Variants in SYNJ2BP observed in about 807,000 individuals in gnomAD.
SYNJ2BP encodes synaptojanin-2-binding protein.
SYNJ2BP carries 10 observed loss-of-function variants against 16.9 expected under a neutral mutation model. The observed-to-expected ratio is 0.59, with a 90% CI of 0.36 to 1.00. SYNJ2BP has a LOEUF of 1.00. SYNJ2BP is among the 50% of genes least tolerant of loss of function. SYNJ2BP has a pLI of 0.01. For synonymous variants in SYNJ2BP, 54 were observed against 68.4 expected, an observed-to-expected ratio of 0.79 and a Z score of 1.04; for missense variants, 162 against 186.7, an observed-to-expected ratio of 0.87 and a Z score of 0.77.
chr14:70,385,548 ATT>A (rs1164659803), intron 2 of SYNJ2BP, among the ~76,000 whole-genome samples: 1 of 142,032 alleles, frequency 7.0e-6, no homozygotes. Context: ...AATTTTTTGT[ATT>A]TTTTTTTTTT....
At chr14:70,399,411 C>A (rs1406383777) in intron 1 of SYNJ2BP, among the ~76,000 whole-genome samples, 1 of 152,222 alleles carries the variant, frequency 6.6e-6, no homozygotes, top group Non-Finnish European at 1.5e-5. Context: ...CCCAGCCCTG[C>A]CTCCTCCCCA....
rs1318768251 is a variant in SYNJ2BP at position 70,377,888 on chromosome 14, GT to G, written c.202-2118del. On this transcript the variant is annotated intron_variant, in intron 2 of 3. Transcript: ENST00000256366. ...TCCTCTTTCTTTGACTGCTAAATTT[GT>G]TCTAAGAACTGTTTGCATGCACTAC... is the stretch of plus-strand genomic sequence containing the variant. Among the ~76,000 whole-genome samples, 38 of 152,162 alleles carry G rather than the reference GT, an allele frequency of 2.5e-4. 1 individual carries two copies. The highest frequency in any genetic ancestry group is 1.6e-3 in the Admixed American group (25 of 15,278).
chr14:70,400,806 G>GA (rs1888218757), intron 1 of SYNJ2BP, among the ~76,000 whole-genome samples: 1 of 152,136 alleles, frequency 6.6e-6, no homozygotes, highest in Admixed American at 6.5e-5. Flanking sequence ...TAATTTTGAT[G>GA]AAAAATCTGG....
At chr14:70,386,386 A>G (rs986027851) in intron 2 of SYNJ2BP, among the ~76,000 whole-genome samples, 1 of 152,256 alleles carries the variant, frequency 6.6e-6, no homozygotes, top group African/African-American at 2.4e-5. Context: ...TGGACTGAAG[A>G]GAGGCAGAAT....
At chr14:70,394,107 C>A (rs1888039238) in intron 1 of SYNJ2BP, among the ~76,000 whole-genome samples, 1 of 151,270 alleles carries the variant, frequency 6.6e-6, no homozygotes, top group African/African-American at 2.4e-5. Context: ...GGTAACCAGG[C>A]TTGTAAAAAT....
rs186200652 is a variant in SYNJ2BP at position 70,406,998 on chromosome 14, T to C, written c.64+9902A>G. Among the ~76,000 whole-genome samples, 291 of 152,316 alleles carry C rather than the reference T, an allele frequency of 1.9e-3. 1 individual carries two copies. The highest frequency in any genetic ancestry group is 5.1e-3 in the African/African-American group (211 of 41,570). ...ATTGGGTGATTACACCTGCACTTCA[T>C]TGAATGTGAATCATGCCTCAAAAAA... On this transcript the variant is annotated intron_variant, in intron 1 of 3. Transcript: ENST00000256366.
chr14:70,398,765 T>G (rs908454529), intron 1 of SYNJ2BP, among the ~76,000 whole-genome samples: 1 of 152,160 alleles, frequency 6.6e-6, no homozygotes, highest in Non-Finnish European at 1.5e-5. Context: ...GCACTAGCTG[T>G]GCCTCCTCAC....
At chr14:70,408,031 A>C (rs988838713) in intron 1 of SYNJ2BP, among the ~76,000 whole-genome samples, 1 of 152,166 alleles carries the variant, frequency 6.6e-6, no homozygotes, top group African/African-American at 2.4e-5. Flanking sequence ...CACCTAGGTC[A>C]GGAATTTCTA....
chr14:70,386,446 T>C (rs1418411848), intron 2 of SYNJ2BP, among the ~76,000 whole-genome samples: 1 of 152,218 alleles, frequency 6.6e-6, no homozygotes, highest in Non-Finnish European at 1.5e-5. Context: ...TATATTTATA[T>C]TATGGATCAG....
chr14:70,413,575 G>A (rs1356476948), intron 1 of SYNJ2BP, among the ~76,000 whole-genome samples: 1 of 152,218 alleles, frequency 6.6e-6, no homozygotes, highest in Non-Finnish European at 1.5e-5. Flanking sequence ...GGAGGCAGAG[G>A]TTGCAGTGAG....
At chr14:70,393,668 G>A (rs1208018738) in intron 1 of SYNJ2BP, among the ~76,000 whole-genome samples, 2 of 152,138 alleles carry the variant, frequency 1.3e-5, no homozygotes, top group African/African-American at 4.8e-5. Flanking sequence ...GGATGAAGCT[G>A]GAAACCATCA....
intron 1 of SYNJ2BP, among the ~76,000 whole-genome samples, chr14:70,389,117 G>A (rs544090457): frequency 2.6e-5 from 4 of 152,054 alleles, no homozygotes; most frequent in Admixed American, 2.6e-4. Flanking sequence ...CTAGATGTAA[G>A]TTCTTCTACT....
At chr14:70,386,733 G>A (rs924626215) in intron 2 of SYNJ2BP, among the ~76,000 whole-genome samples, 1 of 152,192 alleles carries the variant, frequency 6.6e-6, no homozygotes, top group Non-Finnish European at 1.5e-5. Context: ...CAACTAAGAA[G>A]AGCAAGAGAT....
intron 1 of SYNJ2BP, among the ~76,000 whole-genome samples, chr14:70,400,621 T>C (rs1188950805): frequency 6.6e-6 from 1 of 152,208 alleles, no homozygotes; most frequent in Non-Finnish European, 1.5e-5. Flanking sequence ...CATTTAGCTT[T>C]ATCTTACCTA....
rs1045100745 is a variant in SYNJ2BP, at chr14:70,368,316, C to G, written c.*4675G>C. 6.6e-6 allele frequency: 1 copy of G among 152,020 alleles called. No individual in the cohort carries two copies. Among genetic ancestry groups the G allele is most frequent in the Non-Finnish European group, 1.5e-5 (1 of 67,998 alleles). The allele number at this position is 152,020 out of a possible 1,614,324, so 9.4% of individuals were successfully genotyped here. Reference sequence around the variant, plus strand: ...ATCAGTTCTGGTCTTTATTCAGGCCCAAAGAGAGAAGAAAGAAGTAGACTA... The same window carrying G: ...ATCAGTTCTGGTCTTTATTCAGGCCGAAAGAGAGAAGAAAGAAGTAGACTA... On this transcript the variant is annotated 3_prime_UTR_variant, in exon 4 of 4. Coordinates refer to ENST00000256366, the MANE Select transcript of SYNJ2BP (RefSeq NM_018373.3).
chr14:70,393,242 A>T (rs1888017056), intron 1 of SYNJ2BP, among the ~76,000 whole-genome samples: 1 of 152,200 alleles, frequency 6.6e-6, no homozygotes, highest in South Asian at 2.1e-4. Flanking sequence ...AGAAATGCAA[A>T]TCAAAAGAGA....
intron 3 of SYNJ2BP, among the ~76,000 whole-genome samples, chr14:70,373,812 G>A (rs1360590372): frequency 6.6e-6 from 1 of 152,186 alleles, no homozygotes; most frequent in Non-Finnish European, 1.5e-5. Flanking sequence ...TTTGAGGCTG[G>A]ATGGTCTTCA....
intron 1 of SYNJ2BP, among the ~76,000 whole-genome samples, chr14:70,407,285 A>G (rs1009182738): frequency 6.6e-6 from 1 of 152,072 alleles, no homozygotes; most frequent in Non-Finnish European, 1.5e-5. Flanking sequence ...AAAATTAGCC[A>G]GGCATAGTGG....
intron 1 of SYNJ2BP, among the ~76,000 whole-genome samples, chr14:70,403,939 G>A (rs1022633905): frequency 1.3e-5 from 2 of 152,108 alleles, no homozygotes; most frequent in African/African-American, 4.8e-5. Context: ...TAACTCAAAT[G>A]CCTTTTAGTT....
Sources: gnomAD v4.1 joint callset for allele counts (sites outside exome capture counted in the v4.1 genomes callset) on GRCh38, gnomAD v4.1.1 for gene constraint, MANE v1.5 for transcripts, NCBI Gene and HGNC (gene_info 2026-07-23, HGNC 2026-07-21) for gene names.